C5orf15: variants seen among roughly 807,000 people sequenced by gnomAD.
C5orf15 encodes chromosome 5 open reading frame 15, also known as keratinocyte-associated transmembrane protein 2.
C5orf15 carries 10 observed loss-of-function variants against 17.8 expected under a neutral mutation model. That is an observed-to-expected ratio of 0.56 (90% CI 0.35 to 0.95). C5orf15 has a LOEUF of 0.95. Ranked by LOEUF, C5orf15 falls within the 40% of genes least tolerant of loss-of-function variation. The pLI, the probability that C5orf15 is intolerant of heterozygous loss-of-function variation, is 0.02. For synonymous variants in C5orf15, 124 were observed against 131.0 expected, an observed-to-expected ratio of 0.95 and a Z score of 0.36; for missense variants, 319 against 331.7, an observed-to-expected ratio of 0.96 and a Z score of 0.30.
At position 133,959,923 on chromosome 5, in the gene C5orf15, AGGTTT is replaced by A. The variant is rs1453213535; in HGVS notation, c.232_236del (p.Lys78PhefsTer38). 11 of 1,613,802 alleles carry A rather than the reference AGGTTT, an allele frequency of 6.8e-6. No individual in the cohort carries two copies. Among genetic ancestry groups the A allele is most frequent in the Non-Finnish European group, 9.3e-6 (11 of 1,179,986 alleles). ...GGGTGGTGCTGATTTGGGAAATAGA[AGGTTT>A]GGTTTGGTTTTCATGTGTTAAAGCA... On this transcript the variant is annotated frameshift_variant, in exon 2 of 3. Transcript: ENST00000231512. LOFTEE classifies it high-confidence loss of function.
Position 133,959,510 on chromosome 5 carries a change from TATGTA to T in C5orf15, c.645_649del (p.Thr216SerfsTer17). On this transcript the variant is annotated frameshift_variant, in exon 2 of 3. Coordinates refer to ENST00000231512, the MANE Select transcript of C5orf15 (RefSeq NM_020199.3). LOFTEE classifies it high-confidence loss of function. ...CAAACCTACCTTCCTTTTGTTGTGA[TATGTA>T]ATGTAAACAACAGCAATGCAAAAAG... 2 of 1,543,852 alleles carry T rather than the reference TATGTA, an allele frequency of 1.3e-6. No homozygotes were observed. The highest frequency in any genetic ancestry group is 1.7e-6 in the Non-Finnish European group (2 of 1,147,922).
rs1461097699 is a variant in C5orf15, at chr5:133,968,424, C to T, written c.139+22G>A. The T allele has an allele frequency of 1.9e-6, 3 of 1,600,196 alleles. No individual in the cohort carries two copies. The South Asian group carries it at 3.4e-5, about 18-fold the overall frequency. On this transcript the variant is annotated intron_variant, in intron 1 of 2. Transcript: ENST00000231512. ...CCGAGCCCTCCTAGCCTTCCTAAGC[C>T]CACACTGCCGCCCCCCTTTACCACT... is the stretch of plus-strand genomic sequence containing the variant.
At chr5:133,966,793 G>T (rs1246111611) in intron 1 of C5orf15, among the ~76,000 whole-genome samples, 1 of 152,180 alleles carries the variant, frequency 6.6e-6, no homozygotes, top group Admixed American at 6.5e-5. Context: ...GCCTATTAAA[G>T]ACATGTATGT....
intron 1 of C5orf15, among the ~76,000 whole-genome samples, chr5:133,960,938 T>TA (rs36040724): frequency 2.2e-3 from 296 of 137,600 alleles, no homozygotes; most frequent in African/African-American, 3.9e-3. Flanking sequence ...ACTAAAAAAA[T>TA]AAAAAAAAAA....
chr5:133,959,424 A>AAAAAAAAAAC (rs1175365835), intron 2 of C5orf15, 70 bp downstream of exon 2: 1 of 710,374 alleles, frequency 1.4e-6, no homozygotes, highest in Non-Finnish European at 2.0e-6. Context: ...AAAAAAAAAA[A>AAAAAAAAAAC]AAAAGAACCA....
At position 133,956,045 on chromosome 5, in the gene C5orf15, C is replaced by T. The variant is rs1752038642; in HGVS notation, c.*814G>A. 1 of 152,480 alleles carries T rather than the reference C, an allele frequency of 6.6e-6. No homozygotes were observed. Among genetic ancestry groups the T allele is most frequent in the South Asian group, 2.1e-4 (1 of 4,834 alleles). The allele number at this position is 152,480 out of a possible 1,614,324, so 9.4% of individuals were successfully genotyped here. A position where few individuals can be genotyped will look rare whatever the true frequency, so the allele number is the denominator to read the frequency against. On this transcript the variant is annotated 3_prime_UTR_variant, in exon 3 of 3. Coordinates refer to ENST00000231512, the MANE Select transcript of C5orf15 (RefSeq NM_020199.3). Reference sequence around the variant, plus strand: ...GACCCCTAAGATTTATTCAAATTTACTGTAAAATAATAAACGAAGTAAACG... The same window carrying T: ...GACCCCTAAGATTTATTCAAATTTATTGTAAAATAATAAACGAAGTAAACG...
chr5:133,967,509 G>C (rs1752214093), intron 1 of C5orf15: 1 of 152,210 alleles, frequency 6.6e-6, no homozygotes, highest in African/African-American at 2.4e-5. Flanking sequence ...ATCCTTACAA[G>C]TTCTTAATAG....
rs531855620 is a variant in C5orf15, at chr5:133,968,526, C to G, written c.59G>C (p.Gly20Ala). Reference protein sequence around the residue: ...RGPAQAKLLPGSAIQALVGLA... With the variant: ...RGPAQAKLLPASAIQALVGLA... ...CCCCACAAGGGCTTGGATGGCCGAC[C>G]CGGGCAGCAGTTTCGCTTGTGCTGG... Residue 20 changes from glycine to alanine, a missense_variant, in exon 1 of 3, where the codon GGG becomes GCG. Gly to Ala is a moderately conservative substitution (Grantham distance 60, BLOSUM62 0). Around this residue, in one of 3 missense-constraint regions of C5orf15, gnomAD observed 127 missense variants for 95.6 expected, o/e 1.33. Transcript: ENST00000231512. 1.9e-6 allele frequency: 3 copies of G among 1,608,498 alleles called. No homozygotes were observed. Among genetic ancestry groups the G allele is most frequent in the Admixed American group, 1.7e-5 (1 of 59,358 alleles).
rs949985720 is a variant in C5orf15 at position 133,956,023 on chromosome 5, C to T, written c.*836G>A. On this transcript the variant is annotated 3_prime_UTR_variant, in exon 3 of 3. Transcript: ENST00000231512. ...ACAGTATTATTTAAGTGATAATGACCCCTAAGATTTATTCAAATTTACTGT... is the reference window on the plus strand; with the variant it reads ...ACAGTATTATTTAAGTGATAATGACTCCTAAGATTTATTCAAATTTACTGT... The T allele has an allele frequency of 6.6e-6, 1 of 152,244 alleles. No individual in the cohort carries two copies. Among genetic ancestry groups the T allele is most frequent in the Admixed American group, 6.6e-5 (1 of 15,262 alleles). The allele number at this position is 152,244 out of a possible 1,614,324, so 9.4% of individuals were successfully genotyped here.
At chr5:133,962,526 C>T (rs1752139841) in intron 1 of C5orf15, among the ~76,000 whole-genome samples, 1 of 152,160 alleles carries the variant, frequency 6.6e-6, no homozygotes, top group Admixed American at 6.6e-5. Flanking sequence ...TACTTTCATC[C>T]AACTCCAAAG....
At position 133,967,784 on chromosome 5, in the gene C5orf15, T is replaced by C. The variant is rs375176163; in HGVS notation, c.139+662A>G. ...CCCAACGCCCCAGTACTCTGAATCT[T>C]TATCAAACACCAGAACCTCCCAGTC... On this transcript the variant is annotated intron_variant, in intron 1 of 2. Transcript: ENST00000231512. Among the ~76,000 whole-genome samples the C allele has an allele frequency of 5.3e-5, 8 of 152,278 alleles. 1 individual carries two copies. In the South Asian group the frequency reaches 1.7e-3, roughly 32 times the overall value.
At chr5:133,965,727 A>T (rs1283759100) in intron 1 of C5orf15, among the ~76,000 whole-genome samples, 1 of 151,922 alleles carries the variant, frequency 6.6e-6, no homozygotes, top group Non-Finnish European at 1.5e-5. Flanking sequence ...GGAATTCAAG[A>T]CCAGCCTGGC....
In C5orf15 at chr5:133,955,938, T is replaced by A. The variant is rs144708470; in HGVS notation, c.*921A>T. 103 of 152,336 alleles carry A rather than the reference T, an allele frequency of 6.8e-4. No individual in the cohort carries two copies. Among genetic ancestry groups the A allele is most frequent in the African/African-American group, 2.3e-3 (94 of 41,570 alleles). The allele number at this position is 152,336 out of a possible 1,614,324, so 9.4% of individuals were successfully genotyped here. A position where few individuals can be genotyped will look rare whatever the true frequency, so the allele number is the denominator to read the frequency against. On this transcript the variant is annotated 3_prime_UTR_variant, in exon 3 of 3. Transcript: ENST00000231512. ...GGGAAAAAAGGTAATTGTACACAAA[T>A]ATCCTTTATGTATACAAACAACTTC...
intron 1 of C5orf15, among the ~76,000 whole-genome samples, chr5:133,963,875 G>A (rs71587506): frequency 0.017 from 2,524 of 152,192 alleles, 37 homozygotes; most frequent in Non-Finnish European, 0.024. Context: ...TCCTTCAACA[G>A]ATAAATAAAG....
chr5:133,957,045 C>T, intron 2 of C5orf15, 55 bp from the exon 3 acceptor site: 2 of 1,384,214 alleles, frequency 1.4e-6, no homozygotes, highest in East Asian at 4.6e-5. Flanking sequence ...ATATGGTAAA[C>T]ATTTTTATAA....
chr5:133,968,554 C>A lies in C5orf15; in HGVS notation c.31G>T (p.Gly11Trp). 6.2e-7 allele frequency: 1 copy of A among 1,610,136 alleles called. No individual in the cohort carries two copies. The highest frequency in any genetic ancestry group is 8.5e-7 in the Non-Finnish European group (1 of 1,178,796). ...GGCAGCAGTTTCGCTTGTGCTGGCC[C>A]CCTCATCCTCTTCGGGACGGCAGCG... MAAAVPKRMRGPAQAKLLPGS... is the reference protein window; with the variant it reads MAAAVPKRMRWPAQAKLLPGS... Residue 11 changes from glycine to tryptophan, a missense_variant, in exon 1 of 3, where the codon GGG becomes TGG. Coordinates refer to ENST00000231512, the MANE Select transcript of C5orf15 (RefSeq NM_020199.3).
In C5orf15 at chr5:133,958,516, G is replaced by A. The variant is rs572942367; in HGVS notation, c.666+978C>T. On this transcript the variant is annotated intron_variant, in intron 2 of 2. Coordinates refer to ENST00000231512, the MANE Select transcript of C5orf15 (RefSeq NM_020199.3). ...CGCTTGAACCTGGGAGGTGGAGGTT[G>A]CAGTGAGCCGAGATCGCACCACTGC... 9.3e-5 allele frequency among the ~76,000 whole-genome samples: 13 copies of A among 140,452 alleles called. No individual in the cohort carries two copies. In the East Asian group the frequency reaches 1.9e-3, roughly 21 times the overall value. 92.1% of individuals were successfully genotyped at this position (140,452 alleles called of 152,430 possible).
At chr5:133,966,560 G>A (rs1377611124) in intron 1 of C5orf15, among the ~76,000 whole-genome samples, 1 of 152,134 alleles carries the variant, frequency 6.6e-6, no homozygotes, top group South Asian at 2.1e-4. Context: ...ACAGACTGAC[G>A]AGCATATAAC....
chr5:133,956,990 T>C lies in C5orf15; in HGVS notation c.667A>G (p.Ile223Val). The C allele has an allele frequency of 6.2e-7, 1 of 1,606,266 alleles. No homozygotes were observed. Among genetic ancestry groups the C allele is most frequent in the Non-Finnish European group, 8.5e-7 (1 of 1,177,802 alleles). ...VYITYHNKRK[I>V]FLLVQSRKWR... is the part of the protein sequence containing the mutation. The stretch of plus-strand genomic sequence containing the variant: ...TTCCTGCTTTGAACCAGAAGAAAAA[T>C]CTGGAAAACAGAAGTCATTAAATAG... Residue 223 changes from isoleucine to valine, a missense_variant and splice_region_variant, in exon 3 of 3, where the codon ATT (isoleucine) becomes GTT (valine). Transcript: ENST00000231512.
Sources: gnomAD v4.1 joint callset for allele counts (sites outside exome capture counted in the v4.1 genomes callset) on GRCh38, gnomAD v4.1.1 for gene constraint, gnomAD v4.1.1 regional missense constraint, MANE v1.5 for transcripts, NCBI Gene and HGNC (gene_info 2026-07-23, HGNC 2026-07-21) for gene names.